Variants in PRKX observed in about 807,000 individuals in gnomAD.
The protein encoded by PRKX is protein kinase cAMP-dependent X-linked catalytic subunit, also known as cAMP-dependent protein kinase catalytic subunit PRKX.
In PRKX, 12 loss-of-function variants were observed where a neutral mutation model predicts 22.0. The observed-to-expected ratio is 0.54, with a 90% CI of 0.35 to 0.88. PRKX has a LOEUF of 0.88. Among genes scored for constraint, PRKX ranks in the 40% least tolerant of loss-of-function variants. The pLI is 0.01. For synonymous variants in PRKX, 134 were observed against 137.7 expected (o/e 0.97, Z 0.19); for missense variants, 217 against 308.0 (o/e 0.70, Z 2.21).
In PRKX at chrX:3,608,921, C is replaced by T. The variant is rs1375746297; in HGVS notation, c.*48G>A. On this transcript the variant is annotated 3_prime_UTR_variant, in exon 9 of 9. Transcript: ENST00000262848. The stretch of plus-strand genomic sequence containing the variant: ...TCTGCTTAGGTGCAGTTCTTTGTTC[C>T]AGGCAGATTCCAATCTTCCTGTTTC... The T allele has an allele frequency of 1.8e-5, 2 of 111,618 alleles. No homozygotes were observed. Among genetic ancestry groups the T allele is most frequent in the African/African-American group, 3.3e-5 (1 of 30,704 alleles). The allele number at this position is 111,618 out of a possible 1,213,427, so 9.2% of individuals were successfully genotyped here.
intron 6 of PRKX, among the ~76,000 whole-genome samples, chrX:3,621,039 C>G (rs1343859921): frequency 9.0e-6 from 1 of 111,064 alleles, no homozygotes; most frequent in Non-Finnish European, 1.9e-5. Context: ...GGTGTAGACC[C>G]AGTTTGACGT....
chrX:3,709,320 G>A (rs1382612108), intron 1 of PRKX, among the ~76,000 whole-genome samples: 1 of 111,162 alleles, frequency 9.0e-6, no homozygotes, highest in African/African-American at 3.3e-5. Flanking sequence ...AAGGGTCCAT[G>A]AGACTCCAGG....
At chrX:3,612,776 G>C in intron 7 of PRKX, among the ~76,000 whole-genome samples, 1 of 110,984 alleles carries the variant, frequency 9.0e-6, no homozygotes, top group East Asian at 2.8e-4. Flanking sequence ...GACTGAGTGA[G>C]ATCCTGTCTC....
intron 4 of PRKX, among the ~76,000 whole-genome samples, chrX:3,629,786 G>A (rs961581721): frequency 7.2e-5 from 8 of 111,446 alleles, no homozygotes; most frequent in African/African-American, 2.6e-4. Flanking sequence ...CCCATGTAGC[G>A]GGGACCACAG....
chrX:3,613,150 C>CAAAAAAAAAAAAAAAAAAAAAAA lies in PRKX; in HGVS notation c.952-848_952-826dup, dbSNP rs528688936. Among the ~76,000 whole-genome samples, 21 of 54,324 alleles carry CAAAAAAAAAAAAAAAAAAAAAAA rather than the reference C, an allele frequency of 3.9e-4. 3 individuals are homozygous for CAAAAAAAAAAAAAAAAAAAAAAA. The highest frequency in any genetic ancestry group is 1.3e-3 in the South Asian group (1 of 787). The allele number at this position is 54,324 out of a possible 115,157, so 47.2% of individuals were successfully genotyped here. A position where few individuals can be genotyped will look rare whatever the true frequency, so the allele number is the denominator to read the frequency against. On this transcript the variant is annotated intron_variant, in intron 7 of 8. Coordinates refer to ENST00000262848, the MANE Select transcript of PRKX (RefSeq NM_005044.5). ...TGGGCAACGGAGCAAGACTTCGTCT[C>CAAAAAAAAAAAAAAAAAAAAAAA]AAAAAAAAAAAAAAAAAAAAAAAAA...
intron 2 of PRKX, among the ~76,000 whole-genome samples, chrX:3,662,448 C>T (rs1422728562): frequency 9.0e-6 from 1 of 110,725 alleles, no homozygotes; most frequent in East Asian, 2.9e-4. Context: ...GTAATCCCAG[C>T]ACTTTGGGAG....
At chrX:3,683,831 C>G (rs1312261965) in intron 1 of PRKX, among the ~76,000 whole-genome samples, 2 of 104,222 alleles carry the variant, frequency 1.9e-5, no homozygotes, top group Non-Finnish European at 4.0e-5. Flanking sequence ...AGAGCAAGAC[C>G]CTGTCTCAAA....
intron 1 of PRKX, among the ~76,000 whole-genome samples, chrX:3,712,886 T>A (rs1443992513): frequency 8.9e-6 from 1 of 112,524 alleles, no homozygotes; most frequent in Non-Finnish European, 1.9e-5. Flanking sequence ...TCGGGGGTAC[T>A]TGCCTGGGCT....
intron 4 of PRKX, among the ~76,000 whole-genome samples, chrX:3,641,186 T>C (rs746513793): frequency 1.8e-5 from 2 of 112,119 alleles, no homozygotes; most frequent in Non-Finnish European, 3.8e-5. Flanking sequence ...TTATGGACTT[T>C]CCCCAAATTC....
At chrX:3,647,822 G>T (rs1353131208) in intron 3 of PRKX, among the ~76,000 whole-genome samples, 2 of 109,148 alleles carry the variant, frequency 1.8e-5, no homozygotes, top group Non-Finnish European at 3.8e-5. Flanking sequence ...TCCACTGCTG[G>T]AACTTCTTCA....
intron 4 of PRKX, among the ~76,000 whole-genome samples, chrX:3,633,601 T>C (rs1926830608): frequency 9.0e-6 from 1 of 111,228 alleles, no homozygotes; most frequent in Non-Finnish European, 1.9e-5. Flanking sequence ...TTACACCAAT[T>C]GTGCCACTAG....
chrX:3,653,671 TATATATA>T (rs1359525095), intron 3 of PRKX, among the ~76,000 whole-genome samples: 18 of 68,058 alleles, frequency 2.6e-4, no homozygotes, highest in Non-Finnish European at 4.1e-4. Flanking sequence ...TACTATGTGA[TATATATA>T]ATATATATAA....
intron 1 of PRKX, among the ~76,000 whole-genome samples, chrX:3,701,989 A>G (rs1928586495): frequency 8.9e-6 from 1 of 112,436 alleles, no homozygotes. Context: ...CACTCTGTCT[A>G]TGGAGGAGCC....
intron 4 of PRKX, among the ~76,000 whole-genome samples, chrX:3,627,883 C>T (rs764546707): frequency 9.0e-6 from 1 of 111,357 alleles, no homozygotes; most frequent in South Asian, 3.8e-4. Flanking sequence ...CCAGCCATCA[C>T]ATTACTAGGT....
At chrX:3,625,834 G>C (rs1386601479) in intron 5 of PRKX, among the ~76,000 whole-genome samples, 16 of 111,390 alleles carry the variant, frequency 1.4e-4, no homozygotes, top group African/African-American at 5.2e-4. Flanking sequence ...ACCTCCCAAA[G>C]TGCTGGGATT....
rs373700623 is a variant in PRKX, at chrX:3,700,020, GAA to G, written c.166+13066_166+13067del. ...CTAAAACAGCACCAGCTGAGTAAGA[GAA>G]ACTTAAAAAAAAGCAGAGCTCAATC... On this transcript the variant is annotated intron_variant, in intron 1 of 8. Coordinates refer to ENST00000262848, the MANE Select transcript of PRKX (RefSeq NM_005044.5). Among the ~76,000 whole-genome samples, 738 of 111,078 alleles carry G rather than the reference GAA, an allele frequency of 6.6e-3. 8 individuals carry two copies. Among genetic ancestry groups the G allele is most frequent in the African/African-American group, 0.023 (701 of 30,501 alleles).
At chrX:3,668,744 A>G (rs1340113889) in intron 2 of PRKX, among the ~76,000 whole-genome samples, 1 of 112,255 alleles carries the variant, frequency 8.9e-6, no homozygotes, top group Non-Finnish European at 1.9e-5. Context: ...GCCATAGATA[A>G]TATGGCACTG....
At chrX:3,673,708 A>C in intron 2 of PRKX, among the ~76,000 whole-genome samples, 1 of 111,180 alleles carries the variant, frequency 9.0e-6, no homozygotes, top group Non-Finnish European at 1.9e-5. Context: ...TGTCTAAGGC[A>C]TCTGGGTGGA....
chrX:3,615,011 A>ATTTTT (rs761643511), intron 7 of PRKX, among the ~76,000 whole-genome samples: 1,177 of 59,699 alleles, frequency 0.02, 122 homozygotes, highest in African/African-American at 0.064. Context: ...AAAATGCCAG[A>ATTTTT]TTTTTTTTTT....
Sources: allele counts gnomAD v4.1 joint callset (sites outside exome capture counted in the v4.1 genomes callset), GRCh38; gene constraint gnomAD v4.1.1; transcripts MANE v1.5; gene names NCBI Gene and HGNC (gene_info 2026-07-23, HGNC 2026-07-21).